The following GDA variants were observed in gnomAD, a reference collection of about 807,000 sequenced individuals.
The protein encoded by GDA is guanine deaminase.
Under a neutral mutation model 59.6 loss-of-function variants are expected in GDA, and 18 were observed. The observed-to-expected ratio is 0.30, with a 90% CI of 0.21 to 0.45. GDA has a LOEUF of 0.45. GDA is among the 20% of genes least tolerant of loss of function. GDA has a pLI of 1.00. For synonymous variants in GDA, 201 were observed against 201.1 expected, an observed-to-expected ratio of 1.00 and a Z score of 0.00; for missense variants, 427 against 552.3, an observed-to-expected ratio of 0.77 and a Z score of 2.27.
intron 1 of GDA, among the ~76,000 whole-genome samples, chr9:72,168,533 T>G (rs1298676675): frequency 1.3e-5 from 2 of 151,948 alleles, no homozygotes; most frequent in African/African-American, 2.4e-5. Context: ...TAGCTGGGAT[T>G]ACAGGCATGC....
At chr9:72,252,249 T>A (rs1228015656), downstream of GDA, 1 of 152,560 alleles carries the variant, frequency 6.6e-6, no homozygotes, top group Admixed American at 6.5e-5. Flanking sequence ...TTCTCTCTGT[T>A]TGGTTTTGTT....
chr9:72,136,076 A>G (rs1826213974), intron 1 of GDA, among the ~76,000 whole-genome samples: 1 of 152,174 alleles, frequency 6.6e-6, no homozygotes, highest in Admixed American at 6.5e-5. Context: ...AGAAAACTTT[A>G]CATAAAGCCA....
chr9:72,179,170 C>T (rs759631378), intron 1 of GDA, among the ~76,000 whole-genome samples: 10 of 152,142 alleles, frequency 6.6e-5, no homozygotes, highest in African/African-American at 9.7e-5. Context: ...CTGACGTTTT[C>T]GAGCTTGTCC....
intron 4 of GDA, among the ~76,000 whole-genome samples, chr9:72,212,912 A>G (rs1483408079): frequency 6.6e-6 from 1 of 152,180 alleles, no homozygotes; most frequent in Non-Finnish European, 1.5e-5. Context: ...GAGAGCAAAG[A>G]TAGTTACATA....
chr9:72,151,577 A>G (rs1050574372), intron 1 of GDA, among the ~76,000 whole-genome samples: 3 of 151,866 alleles, frequency 2.0e-5, no homozygotes, highest in Non-Finnish European at 2.9e-5. Flanking sequence ...ATGTTGAATT[A>G]TTATGATCTG....
At chr9:72,135,099 CA>C (rs1396255040) in intron 1 of GDA, among the ~76,000 whole-genome samples, 5 of 152,150 alleles carry the variant, frequency 3.3e-5, no homozygotes, top group Non-Finnish European at 7.3e-5. Flanking sequence ...TTCTCTACAT[CA>C]ATATCCACAG....
At chr9:72,187,850 G>A (rs1054832466) in intron 1 of GDA, among the ~76,000 whole-genome samples, 1 of 152,198 alleles carries the variant, frequency 6.6e-6, no homozygotes, top group Non-Finnish European at 1.5e-5. Context: ...GATCTCAGAT[G>A]GAACTGAGAA....
chr9:72,176,008 G>A (rs1484649726), intron 1 of GDA, among the ~76,000 whole-genome samples: 1 of 152,138 alleles, frequency 6.6e-6, no homozygotes, highest in Non-Finnish European at 1.5e-5. Flanking sequence ...CAATAAAAAT[G>A]TATTGTCCTC....
At chr9:72,244,974 A>G (rs1839992221) in intron 11 of GDA, among the ~76,000 whole-genome samples, 174 bp from the exon 12 acceptor site, 1 of 152,206 alleles carries the variant, frequency 6.6e-6, no homozygotes, top group South Asian at 2.1e-4. Context: ...CACTTTATGT[A>G]AGTAGAAGTC....
intron 1 of GDA, 33 bp downstream of exon 1, chr9:72,149,715 G>A (rs758621654): frequency 3.8e-6 from 6 of 1,566,624 alleles, no homozygotes; most frequent in East Asian, 2.5e-5. Flanking sequence ...GCACTCCGAC[G>A]GGCGGGAGGA....
intron 1 of GDA, among the ~76,000 whole-genome samples, chr9:72,177,178 A>C (rs1246365914): frequency 1.4e-5 from 2 of 145,836 alleles, no homozygotes; most frequent in Admixed American, 1.4e-4. Flanking sequence ...TGCTCACTGC[A>C]ACCTCCACCT....
At chr9:72,162,859 G>A (rs933133998) in intron 1 of GDA, among the ~76,000 whole-genome samples, 13 of 152,184 alleles carry the variant, frequency 8.5e-5, no homozygotes, top group Admixed American at 5.9e-4. Context: ...GGGTTTCACC[G>A]TGCTAGCCAG....
At chr9:72,194,534 G>A (rs1832923255) in intron 1 of GDA, among the ~76,000 whole-genome samples, 1 of 152,104 alleles carries the variant, frequency 6.6e-6, no homozygotes, top group Admixed American at 6.5e-5. Flanking sequence ...TCGAGTGGAA[G>A]GAAGGAGTCT....
Position 72,250,616 on chromosome 9 carries a change from C to T in GDA, c.*2274C>T. The T allele has an allele frequency of 6.3e-7, 1 of 1,575,284 alleles. No homozygotes were observed. The highest frequency in any genetic ancestry group is 1.1e-5 in the South Asian group (1 of 87,596). On this transcript the variant is annotated 3_prime_UTR_variant, in exon 14 of 14. Transcript: ENST00000358399. ...TTCTGTACCACAGGCATTATCTATA[C>T]CTGGGGCCAGATTTTCTGCACTTTG...
chr9:72,173,814 C>G (rs1830255194), intron 1 of GDA, among the ~76,000 whole-genome samples: 1 of 152,162 alleles, frequency 6.6e-6, no homozygotes, highest in African/African-American at 2.4e-5. Flanking sequence ...TTTTCTCATT[C>G]TGTGAGTGTG....
chr9:72,230,116 T>C (rs760907353), intron 9 of GDA, among the ~76,000 whole-genome samples: 5 of 152,330 alleles, frequency 3.3e-5, no homozygotes, highest in Admixed American at 6.5e-5. Context: ...ATTAGAGTTA[T>C]GTGCATCTTC....
At chr9:72,148,453 A>G (rs1235687611), upstream of GDA, among the ~76,000 whole-genome samples, 1 of 152,160 alleles carries the variant, frequency 6.6e-6, no homozygotes, top group Non-Finnish European at 1.5e-5. Context: ...GTGGAGTAGA[A>G]ACTGCTGGGA....
intron 7 of GDA, 85 bp from the exon 8 acceptor site, chr9:72,225,592 C>A: frequency 7.3e-6 from 5 of 682,110 alleles, no homozygotes; most frequent in Non-Finnish European, 1.3e-5. Flanking sequence ...AAGTAGAAAA[C>A]CATTCACACC....
At chr9:72,129,053 C>T (rs778934613) in intron 1 of GDA, among the ~76,000 whole-genome samples, 1 of 152,022 alleles carries the variant, frequency 6.6e-6, no homozygotes, top group Non-Finnish European at 1.5e-5. Context: ...ACCTCTGCCC[C>T]CTGGGTTCAA....
Sources: gnomAD v4.1 joint callset for allele counts (sites outside exome capture counted in the v4.1 genomes callset) on GRCh38, gnomAD v4.1.1 for gene constraint, MANE v1.5 for transcripts, NCBI Gene and HGNC (gene_info 2026-07-23, HGNC 2026-07-21) for gene names.